ACP6: variants seen among roughly 807,000 people sequenced by gnomAD.
ACP6 encodes acid phosphatase 6, lysophosphatidic.
A neutral mutation model predicts 48.1 loss-of-function variants in ACP6; 48 were observed. That is an observed-to-expected ratio of 1.00 (90% CI 0.79 to 1.27). The LOEUF (loss-of-function observed/expected upper bound fraction) is 1.27, where lower values mean the gene tolerates loss of function less well. ACP6 is among the 50% of genes most tolerant of loss of function. The pLI, the probability that ACP6 is intolerant of heterozygous loss-of-function variation, is 0.00. For missense variants in ACP6, 485 were observed against 529.1 expected (o/e 0.92, Z 0.82); for synonymous variants, 172 against 204.2 (o/e 0.84, Z 1.34).
chr1:147,641,835 C>G (rs10793694), downstream of ACP6, among the ~76,000 whole-genome samples: 18,810 of 152,228 alleles, frequency 0.12, 1,326 homozygotes, highest in East Asian at 0.33. Flanking sequence ...CCTGCACACA[C>G]AGGCACAGTG....
At chr1:147,630,451 A>G (rs1659136390) in exon 6 of ACP6, 2 of 152,204 alleles carry the variant, frequency 1.3e-5, no homozygotes, top group African/African-American at 4.8e-5. Flanking sequence ...AGTTCTCTTT[A>G]TTAAAGACCC....
chr1:147,663,851 C>T (rs146889810), intron 1 of ACP6, among the ~76,000 whole-genome samples: 59 of 152,284 alleles, frequency 3.9e-4, no homozygotes, highest in African/African-American at 1.2e-3. Flanking sequence ...TCTTACTTCC[C>T]TATCACTGAC....
At position 147,642,407 on chromosome 1, in the gene ACP6, A is replaced by T. The variant is rs1312485248; in HGVS notation, c.*5016T>A. ...ATAATTGGATTACACAGGAAAAGGG[A>T]GTGTGGGTCAGGGGTCAGGTGATGG... On this transcript the variant is annotated 3_prime_UTR_variant, in exon 10 of 10. Coordinates refer to ENST00000583509, the MANE Select transcript of ACP6 (RefSeq NM_016361.5). 1.3e-5 allele frequency: 2 copies of T among 152,174 alleles called. No individual in the cohort carries two copies. Among genetic ancestry groups the T allele is most frequent in the Non-Finnish European group, 2.9e-5 (2 of 68,066 alleles). 9.4% of individuals were successfully genotyped at this position (152,174 alleles called of 1,614,324 possible). A position where few individuals can be genotyped will look rare whatever the true frequency, so the allele number is the denominator to read the frequency against.
intron 1 of ACP6, 31 bp from the exon 2 acceptor site, chr1:147,659,806 T>C (rs1660453562): frequency 1.2e-6 from 2 of 1,609,036 alleles, no homozygotes; most frequent in African/African-American, 1.3e-5. Flanking sequence ...CACCACATTG[T>C]TTAAAAATGG....
chr1:147,654,576 T>G (rs974427788), intron 5 of ACP6, among the ~76,000 whole-genome samples: 3 of 152,338 alleles, frequency 2.0e-5, no homozygotes, highest in East Asian at 3.9e-4. Flanking sequence ...CTCTAGCATT[T>G]GCATTGCATC....
chr1:147,654,584 A>C (rs1431783173), intron 5 of ACP6, among the ~76,000 whole-genome samples: 2 of 152,246 alleles, frequency 1.3e-5, no homozygotes, highest in Non-Finnish European at 2.9e-5. Flanking sequence ...TTTGCATTGC[A>C]TCAAAAATGA....
At position 147,659,404 on chromosome 1, in the gene ACP6, C is replaced by T. The variant is rs1187764556; in HGVS notation, c.471G>A (p.Gln157=). The change falls in exon 3 of 10, where the codon CAG becomes CAA. Residue 157 remains glutamine, a synonymous_variant. Coordinates refer to ENST00000583509, the MANE Select transcript of ACP6 (RefSeq NM_016361.5). ...IPFLSPTFNP[Q]EVFIRSTNIF... ...CCTTTCAAGTGACTCACAAGACCTC[C>T]TGTGGGTTGAAGGTTGGTGAAAGAA... 6.2e-7 allele frequency: 1 copy of T among 1,613,958 alleles called. No individual in the cohort carries two copies. Among genetic ancestry groups the T allele is most frequent in the African/African-American group, 1.3e-5 (1 of 74,928 alleles).
At chr1:147,648,223 C>A (rs782129830) in intron 9 of ACP6, 23 bp downstream of exon 9, 1 of 1,613,008 alleles carries the variant, frequency 6.2e-7, no homozygotes, top group South Asian at 1.1e-5. Context: ...CACCACCACC[C>A]AACCCCACCT....
In ACP6 at chr1:147,648,252, G is replaced by C. The variant is rs587641218; in HGVS notation, c.1137C>G (p.His379Gln). The C allele has an allele frequency of 6.2e-7, 1 of 1,614,126 alleles. No homozygotes were observed. Among genetic ancestry groups the C allele is most frequent in the Admixed American group, 1.7e-5 (1 of 60,020 alleles). The change falls in exon 9 of 10, where the codon CAC becomes CAG. Residue 379 changes from histidine (H) to glutamine (Q), a missense_variant. Physicochemically the swap from His to Gln is conservative, Grantham distance 24. Coordinates refer to ENST00000583509, the MANE Select transcript of ACP6 (RefSeq NM_016361.5). The stretch of plus-strand genomic sequence containing the variant: ...CCCACCTCAGGGGTATTACCTTCCC[G>C]TGGTAATAGAGCTGCACAAACCACT... Reference protein sequence around the residue: ...SKEWFVQLYYHGKEQVPRGCP... With the variant: ...SKEWFVQLYYQGKEQVPRGCP...
chr1:147,654,628 AT>A (rs758326774), intron 5 of ACP6, among the ~76,000 whole-genome samples: 112 of 152,286 alleles, frequency 7.4e-4, no homozygotes, highest in Non-Finnish European at 1.2e-3. Context: ...TGAAAACAGC[AT>A]TTTCTTTTCT....
In ACP6 at chr1:147,644,618, CA is replaced by C. The variant is rs1206782380; in HGVS notation, c.*2804del. On this transcript the variant is annotated 3_prime_UTR_variant, in exon 10 of 10. Coordinates refer to ENST00000583509, the MANE Select transcript of ACP6 (RefSeq NM_016361.5). ...GACAGTAGCAATGGAAGTATTGGGA[CA>C]TGGTCAATTCTGGATATAGTTTGAA... is the stretch of plus-strand genomic sequence containing the variant. 6.6e-6 allele frequency: 1 copy of C among 152,186 alleles called. No homozygotes were observed. The highest frequency in any genetic ancestry group is 2.4e-5 in the African/African-American group (1 of 41,426). 9.4% of individuals were successfully genotyped at this position (152,186 alleles called of 1,614,324 possible). A position where few individuals can be genotyped will look rare whatever the true frequency, so the allele number is the denominator to read the frequency against.
chr1:147,638,278 C>T (rs1553208275), downstream of ACP6, among the ~76,000 whole-genome samples: 2 of 152,184 alleles, frequency 1.3e-5, no homozygotes, highest in African/African-American at 2.4e-5. Flanking sequence ...GTTTATTCCT[C>T]ACAAAGCCTT....
chr1:147,646,698 A>G lies in ACP6; in HGVS notation c.*725T>C, dbSNP rs12744461. The G allele has an allele frequency of 0.31, 47,704 of 152,178 alleles. 9,545 individuals are homozygous for G. Among genetic ancestry groups the G allele is most frequent in the Non-Finnish European group, 0.44 (29,874 of 68,046 alleles). 9.4% of individuals were successfully genotyped at this position (152,178 alleles called of 1,614,324 possible). A position where few individuals can be genotyped will look rare whatever the true frequency, so the allele number is the denominator to read the frequency against. On this transcript the variant is annotated 3_prime_UTR_variant, in exon 10 of 10. Transcript: ENST00000583509. ...ATTTGTTTCTGGAACTAAAACCACC[A>G]GGGGCCCAGTGTCCTTCCTGCTTCT...
chr1:147,658,979 A>G lies in ACP6; in HGVS notation c.540T>C (p.Leu180=), dbSNP rs782089866. Residue 180 remains leucine, a synonymous_variant, in exon 4 of 10, where the codon CTT becomes CTC. Coordinates refer to ENST00000583509, the MANE Select transcript of ACP6 (RefSeq NM_016361.5). ...ACGAACCTTCTTTCTGACACTGGAA[A>G]AGCCCAGCCAGCAAACAACGGGTGG... The part of the protein sequence containing the change: ...LESTRCLLAG[L]FQCQKEGPII... 3.7e-6 allele frequency: 6 copies of G among 1,612,534 alleles called. No individual in the cohort carries two copies. In the South Asian group the frequency reaches 6.6e-5, roughly 18 times the overall value.
At chr1:147,658,924 C>T (rs1295545999) in intron 4 of ACP6, 36 bp downstream of exon 4, 1 of 1,562,618 alleles carries the variant, frequency 6.4e-7, no homozygotes, top group Non-Finnish European at 8.7e-7. Context: ...CAAGACCCCT[C>T]AGGGACAGGG....
At position 147,637,121 on chromosome 1, in the gene ACP6, G is replaced by T. The variant is rs147667701; in HGVS notation, c.461-6056C>A. On this transcript the variant is annotated intron_variant, in intron 5 of 5. Coordinates refer to the ACP6 transcript ENST00000609196. ...TAAAGTTCAGAATCATCTAATTAGA[G>T]GACCAAACTCCATCCCTGACCACAT... is the stretch of plus-strand genomic sequence containing the variant. 1.0e-3 allele frequency among the ~76,000 whole-genome samples: 158 copies of T among 152,262 alleles called. 2 individuals are homozygous for T. The highest frequency in any genetic ancestry group is 3.3e-3 in the African/African-American group (137 of 41,562).
chr1:147,650,542 C>T (rs377682977), intron 7 of ACP6: 18 of 271,172 alleles, frequency 6.6e-5, no homozygotes, highest in Non-Finnish European at 7.6e-5. Context: ...CCAACTAGGC[C>T]TTGGGGAATC....
At position 147,654,309 on chromosome 1, in the gene ACP6, G is replaced by A; in HGVS notation, c.665C>T (p.Ala222Val). 6.2e-7 allele frequency: 1 copy of A among 1,614,134 alleles called. No homozygotes were observed. Among genetic ancestry groups the A allele is most frequent in the Non-Finnish European group, 8.5e-7 (1 of 1,180,026 alleles). ...CTCTGAGATTCCTGGCTGTAAAGAG[G>A]CAGTCTGCCTCCGGCCTCTGACAAA... Reference protein sequence around the residue: ...RQRTRGRRQTASLQPGISEDL... With the variant: ...RQRTRGRRQTVSLQPGISEDL... Residue 222 changes from alanine to valine, a missense_variant, in exon 6 of 10, where the codon GCC (alanine) becomes GTC (valine). Transcript: ENST00000583509.
intron 1 of ACP6, among the ~76,000 whole-genome samples, chr1:147,664,434 T>A (rs1234828372): frequency 6.6e-6 from 1 of 152,346 alleles, no homozygotes; most frequent in South Asian, 2.1e-4. Flanking sequence ...TTAGAAAGAC[T>A]TTTGTTCATT....
Sources: gnomAD v4.1 joint callset for allele counts (sites outside exome capture counted in the v4.1 genomes callset) on GRCh38, gnomAD v4.1.1 for gene constraint, MANE v1.5 for transcripts, NCBI Gene and HGNC (gene_info 2026-07-23, HGNC 2026-07-21) for gene names.